The following PCDH7 variants were observed in gnomAD, a reference collection of about 807,000 sequenced individuals.
The protein encoded by PCDH7 is protocadherin 7.
PCDH7 carries 17 observed loss-of-function variants against 58.9 expected under a neutral mutation model. The observed-to-expected ratio is 0.29, with a 90% CI of 0.20 to 0.43. The LOEUF is 0.43. PCDH7 is among the 20% of genes least tolerant of loss of function. PCDH7 has a pLI of 1.00. For missense variants in PCDH7, 1,274 were observed against 1,441.0 expected (o/e 0.88, Z 1.88); for synonymous variants, 664 against 616.4 (o/e 1.08, Z -1.14).
intron 1 of PCDH7, among the ~76,000 whole-genome samples, chr4:30,865,106 A>G (rs1180092419): frequency 6.6e-6 from 1 of 152,090 alleles, no homozygotes; most frequent in South Asian, 2.1e-4. Context: ...TAGGCATCTC[A>G]GGTAACAAGT....
intron 1 of PCDH7, among the ~76,000 whole-genome samples, chr4:30,840,720 T>C (rs1427762581): frequency 6.6e-6 from 1 of 152,082 alleles, no homozygotes; most frequent in African/African-American, 2.4e-5. Context: ...TTTTAAGAGA[T>C]GGCAAAACAG....
rs1046098927 is a variant in PCDH7, at chr4:30,886,565, C to T, written c.71-33588C>T. Reference sequence around the variant, plus strand: ...TCAACCATTGTGGAAGTCAGTGTGGCGATTCCTCAGGGATCTAGAAGTAGA... The same window carrying T: ...TCAACCATTGTGGAAGTCAGTGTGGTGATTCCTCAGGGATCTAGAAGTAGA... On this transcript the variant is annotated intron_variant, in intron 1 of 3. Transcript: ENST00000509759. Among the ~76,000 whole-genome samples the T allele has an allele frequency of 5.0e-4, 74 of 148,776 alleles. 2 individuals carry two copies. The South Asian group carries it at 0.015, about 30-fold the overall frequency.
intron 2 of PCDH7, among the ~76,000 whole-genome samples, chr4:30,931,522 T>C (rs10805300): frequency 0.69 from 105,460 of 151,778 alleles, 36,667 homozygotes; most frequent in East Asian, 0.78. Flanking sequence ...TTGCAGTGAG[T>C]GAGATCATGC....
intron 3 of PCDH7, among the ~76,000 whole-genome samples, chr4:31,133,964 C>T (rs779067313): frequency 6.6e-6 from 1 of 152,276 alleles, no homozygotes; most frequent in South Asian, 2.1e-4. Context: ...ATTGTCTTGG[C>T]ATGTCAGCTT....
intron 1 of PCDH7, among the ~76,000 whole-genome samples, chr4:30,841,866 T>A (rs1362976341): frequency 6.6e-6 from 1 of 152,088 alleles, no homozygotes; most frequent in East Asian, 1.9e-4. Context: ...AAAATCAAAT[T>A]TAATATTCTC....
rs33918177 is a variant in PCDH7, at chr4:30,856,693, GAAAA to G, written c.71-63448_71-63445del. 1.4e-3 allele frequency among the ~76,000 whole-genome samples: 196 copies of G among 139,356 alleles called. 1 individual carries two copies. The highest frequency in any genetic ancestry group is 0.011 in the East Asian group (52 of 4,808). The allele number at this position is 139,356 out of a possible 152,430, so 91.4% of individuals were successfully genotyped here. On this transcript the variant is annotated intron_variant, in intron 1 of 3. Coordinates refer to the PCDH7 transcript ENST00000509759. ...GTAAGTACTTACTATACTGATATCA[GAAAA>G]AAAAAAAAAAATATATATATATATA...
intron 3 of PCDH7, among the ~76,000 whole-genome samples, chr4:31,098,707 C>G (rs1714498819): frequency 6.6e-6 from 1 of 152,128 alleles, no homozygotes; most frequent in Non-Finnish European, 1.5e-5. Context: ...TCTTCTGCCT[C>G]TGACATGGAA....
intron 3 of PCDH7, among the ~76,000 whole-genome samples, chr4:30,963,844 C>A (rs1748718332): frequency 6.6e-6 from 1 of 152,184 alleles, no homozygotes; most frequent in Non-Finnish European, 1.5e-5. Context: ...AAGAACAAGA[C>A]TGAATTCAGA....
chr4:30,935,452 A>T (rs983001353), intron 2 of PCDH7: 9 of 240,374 alleles, frequency 3.7e-5, no homozygotes, highest in Admixed American at 6.5e-5. Context: ...ATTTATAACA[A>T]ATATAATTCT....
chr4:30,846,441 T>C (rs868091758), intron 1 of PCDH7, among the ~76,000 whole-genome samples: 2 of 151,918 alleles, frequency 1.3e-5, no homozygotes, highest in African/African-American at 2.4e-5. Context: ...CCGCACCAGA[T>C]GCTGGCAACT....
chr4:30,969,727 A>G (rs1292007990), intron 3 of PCDH7, among the ~76,000 whole-genome samples: 1 of 152,190 alleles, frequency 6.6e-6, no homozygotes, highest in South Asian at 2.1e-4. Flanking sequence ...ATATGACTTT[A>G]AAGTATCTTG....
At chr4:30,927,543 A>G (rs1328263582) in intron 2 of PCDH7, among the ~76,000 whole-genome samples, 2 of 151,786 alleles carry the variant, frequency 1.3e-5, no homozygotes, top group African/African-American at 4.8e-5. Context: ...GATCCTGTTG[A>G]TCTATGACCT....
At position 30,723,930 on chromosome 4, in the gene PCDH7, C is replaced by T. The variant is rs758114677; in HGVS notation, c.2508C>T (p.His836=). Residue 836 remains histidine (H), a synonymous_variant, in exon 1 of 2, where the codon CAC becomes CAT. Coordinates refer to ENST00000361762, the Ensembl canonical transcript of PCDH7. The surrounding 1 kb of genome is among the most constrained non-coding windows in gnomAD (Gnocchi z 4.6). The stretch of plus-strand genomic sequence containing the variant: ...CCCAGTCCACCACGACTCTGGTGCA[C>T]GTGTTTGTCAATGAAAGTGTTTCTA... 7 of 1,614,012 alleles carry T rather than the reference C, an allele frequency of 4.3e-6. No individual in the cohort carries two copies. Among genetic ancestry groups the T allele is most frequent in the East Asian group, 2.2e-5 (1 of 44,872 alleles).
chr4:30,720,840 G>A lies in PCDH7; in HGVS notation c.-583G>A. The A allele has an allele frequency of 6.5e-6, 1 of 153,576 alleles. No homozygotes were observed. The highest frequency in any genetic ancestry group is 2.1e-4 in the South Asian group (1 of 4,852). The allele number at this position is 153,576 out of a possible 1,614,324, so 9.5% of individuals were successfully genotyped here. On this transcript the variant is annotated 5_prime_UTR_variant, in exon 1 of 2. Coordinates refer to ENST00000361762, the Ensembl canonical transcript of PCDH7. The surrounding 1 kb of genome is among the most constrained non-coding windows in gnomAD (Gnocchi z 4.7). ...GCGCCTGGTGCAGGAAGCGACTCAC[G>A]TTTGTCTGGGTGGCCGGAGCCGGAG...
downstream of PCDH7, chr4:31,146,496 CTT>C (rs1327337460): frequency 1.3e-5 from 2 of 152,064 alleles, no homozygotes; most frequent in African/African-American, 4.8e-5. Context: ...CTAGGGTTTA[CTT>C]TCAGACTTTT....
At chr4:31,105,205 G>A (rs1365631844) in intron 3 of PCDH7, among the ~76,000 whole-genome samples, 4 of 152,054 alleles carry the variant, frequency 2.6e-5, no homozygotes, top group Non-Finnish European at 5.9e-5. Flanking sequence ...ATAAGTAAAG[G>A]ACACTTTAAA....
chr4:31,114,245 A>G (rs1051916915), intron 3 of PCDH7, among the ~76,000 whole-genome samples: 6 of 152,204 alleles, frequency 3.9e-5, no homozygotes, highest in South Asian at 4.1e-4. Flanking sequence ...AATTACACAT[A>G]TACTACTTTA....
At chr4:30,774,567 C>A (rs569541750) in intron 1 of PCDH7, among the ~76,000 whole-genome samples, 1 of 152,244 alleles carries the variant, frequency 6.6e-6, no homozygotes, top group South Asian at 2.1e-4. Flanking sequence ...CGGGGTATTG[C>A]AGTGAACAAG....
intron 3 of PCDH7, among the ~76,000 whole-genome samples, chr4:31,057,908 G>A (rs1757381917): frequency 6.6e-6 from 1 of 152,004 alleles, no homozygotes; most frequent in Non-Finnish European, 1.5e-5. Context: ...CTTTCTAACT[G>A]CCTTTAGAAT....
Sources: allele counts gnomAD v4.1 joint callset (sites outside exome capture counted in the v4.1 genomes callset), GRCh38; gene constraint gnomAD v4.1.1; non-coding constraint Gnocchi (gnomAD v3.1); transcripts MANE v1.5; gene names NCBI Gene and HGNC (gene_info 2026-07-23, HGNC 2026-07-21).